The following INHBB variants were observed in gnomAD, a reference collection of about 807,000 sequenced individuals.
The protein encoded by INHBB is inhibin subunit beta B, also known as inhibin beta B chain.
Under a neutral mutation model 28.9 loss-of-function variants are expected in INHBB, and 8 were observed. The ratio of observed to expected loss-of-function variants is 0.28; its 90% confidence interval spans 0.16 to 0.50. The LOEUF is 0.50. Among genes scored for constraint, INHBB ranks in the 20% least tolerant of loss-of-function variants. INHBB has a pLI of 0.98. For synonymous variants in INHBB, 293 were observed against 262.7 expected (o/e 1.12, Z -1.12); for missense variants, 499 against 597.8 (o/e 0.83, Z 1.72).
At chr2:120,348,411 G>A (rs868224713) in intron 1 of INHBB, among the ~76,000 whole-genome samples, 1 of 151,896 alleles carries the variant, frequency 6.6e-6, no homozygotes, top group African/African-American at 2.4e-5. Flanking sequence ...CATTAACAGG[G>A]AGCCAGAGTC....
In INHBB at chr2:120,350,104, G is replaced by T; in HGVS notation, c.*230G>T. On this transcript the variant is annotated 3_prime_UTR_variant, in exon 2 of 2. Coordinates refer to ENST00000295228, the MANE Select transcript of INHBB (RefSeq NM_002193.4). ...ACATGAAATACTTTAAAATGCACACGTAGCCACGCACAGCCAGACGCATCC... is the reference window on the plus strand; with the variant it reads ...ACATGAAATACTTTAAAATGCACACTTAGCCACGCACAGCCAGACGCATCC... 1 of 540,876 alleles carries T rather than the reference G, an allele frequency of 1.8e-6. No homozygotes were observed. 33.5% of individuals were successfully genotyped at this position (540,876 alleles called of 1,614,324 possible).
intron 1 of INHBB, among the ~76,000 whole-genome samples, chr2:120,347,424 C>T (rs1691178824): frequency 7.1e-6 from 1 of 140,508 alleles, no homozygotes; most frequent in Admixed American, 7.4e-5. Flanking sequence ...GATTGCAAAT[C>T]TCTAACACTG....
intron 1 of INHBB, among the ~76,000 whole-genome samples, chr2:120,347,191 A>G (rs1691172603): frequency 6.6e-6 from 1 of 152,054 alleles, no homozygotes; most frequent in African/African-American, 2.4e-5. Flanking sequence ...CTCGCTGGGG[A>G]GAGCTAGGCA....
Position 120,349,372 on chromosome 2 carries a change from G to T in INHBB, c.722G>T (p.Arg241Leu). ...LTEAIQALFE[R>L]GERRLNLDVQ... Reference sequence around the variant, plus strand: ...GAGGCCATCCAGGCCTTGTTTGAGCGGGGCGAGCGGCGACTCAACCTAGAC... The same window carrying T: ...GAGGCCATCCAGGCCTTGTTTGAGCTGGGCGAGCGGCGACTCAACCTAGAC... The change falls in exon 2 of 2, where the codon CGG becomes CTG. Residue 241 changes from arginine to leucine, a missense_variant. Around this residue, in one of 2 missense-constraint regions of INHBB, gnomAD observed 385 missense variants for 415.2 expected, o/e 0.93. Coordinates refer to ENST00000295228, the MANE Select transcript of INHBB (RefSeq NM_002193.4). The surrounding 1 kb of genome is among the most constrained non-coding windows in gnomAD (Gnocchi z 5.6). 1 of 1,613,990 alleles carries T rather than the reference G, an allele frequency of 6.2e-7. No homozygotes were observed. Among genetic ancestry groups the T allele is most frequent in the Non-Finnish European group, 8.5e-7 (1 of 1,180,026 alleles).
chr2:120,346,981 A>C (rs892338673), intron 1 of INHBB, among the ~76,000 whole-genome samples: 2 of 152,164 alleles, frequency 1.3e-5, no homozygotes. Context: ...GTGATTGCTT[A>C]ATGTTTTTGT....
At chr2:120,348,656 C>CAAAAAAAAAAAA (rs5833831) in intron 1 of INHBB, among the ~76,000 whole-genome samples, 2 of 74,458 alleles carry the variant, frequency 2.7e-5, no homozygotes, top group Non-Finnish European at 5.0e-5. Context: ...CTAAGTTAAC[C>CAAAAAAAAAAAA]AAAAAAAAAA....
chr2:120,348,407 C>T (rs969680957), intron 1 of INHBB, among the ~76,000 whole-genome samples: 4 of 151,946 alleles, frequency 2.6e-5, no homozygotes, highest in Admixed American at 6.6e-5. Flanking sequence ...GTGCCATTAA[C>T]AGGGAGCCAG....
intron 1 of INHBB, among the ~76,000 whole-genome samples, chr2:120,347,458 GA>G (rs910475024): frequency 1.3e-5 from 2 of 149,222 alleles, no homozygotes; most frequent in African/African-American, 4.9e-5. Flanking sequence ...ATCAGGGAGA[GA>G]AAAATCTTTC....
At chr2:120,348,895 G>A (rs960956417) in intron 1 of INHBB, among the ~76,000 whole-genome samples, 13 of 151,920 alleles carry the variant, frequency 8.6e-5, no homozygotes, top group Non-Finnish European at 1.3e-4. Flanking sequence ...AGCCTGGTCC[G>A]GGTTTCTCAA....
intron 1 of INHBB, among the ~76,000 whole-genome samples, chr2:120,348,027 T>C (rs181557742): frequency 1.3e-4 from 20 of 152,156 alleles, no homozygotes; most frequent in Admixed American, 9.8e-4. Flanking sequence ...CTCTTTGACT[T>C]ATAAATAACA....
Position 120,349,363 on chromosome 2 carries a change from T to C in INHBB, c.713T>C (p.Leu238Ser), listed in dbSNP as rs768807268. ...CCACTCACGGAGGCCATCCAGGCCT[T>C]GTTTGAGCGGGGCGAGCGGCGACTC... ...TFPLTEAIQALFERGERRLNL... is the reference protein window; with the variant it reads ...TFPLTEAIQASFERGERRLNL... The change falls in exon 2 of 2, where the codon TTG (leucine) becomes TCG (serine). Residue 238 changes from leucine to serine, a missense_variant. Physicochemically the swap from Leu to Ser is moderately radical, Grantham distance 145. This residue lies in a region of INHBB where 385 missense variants were observed against 415.2 expected (regional missense o/e 0.93). Transcript: ENST00000295228. This position sits in a 1 kb window ranked among gnomAD's most constrained non-coding sequence, Gnocchi z 5.6. 1.2e-6 allele frequency: 2 copies of C among 1,613,908 alleles called. No homozygotes were observed. The highest frequency in any genetic ancestry group is 2.2e-5 in the East Asian group (1 of 44,862).
chr2:120,349,094 C>G lies in INHBB; in HGVS notation c.449-5C>G, dbSNP rs766513404. 6.3e-7 allele frequency: 1 copy of G among 1,591,312 alleles called. No homozygotes were observed. Among genetic ancestry groups the G allele is most frequent in the African/African-American group, 1.3e-5 (1 of 74,410 alleles). On this transcript the variant is annotated splice_region_variant and splice_polypyrimidine_tract_variant and intron_variant, in intron 1 of 1. Transcript: ENST00000295228. The surrounding 1 kb of genome is among the most constrained non-coding windows in gnomAD (Gnocchi z 5.6). ...AACTTGGCTCGCCCTTCCCCTTTTC[C>G]GCAGATGGCCTCGCCTCCTCCCGGG...
Position 120,350,309 on chromosome 2 carries a change from C to CAA in INHBB, c.*436_*437insAA, listed in dbSNP as rs965345665. On this transcript the variant is annotated 3_prime_UTR_variant, in exon 2 of 2. Coordinates refer to ENST00000295228, the MANE Select transcript of INHBB (RefSeq NM_002193.4). ...ACATAAAAGCACAAAGACAGAGACG[C>CAA]AGAGAGAGAGAGAGAGCCACGGAGA... 1 of 176,584 alleles carries CAA rather than the reference C, an allele frequency of 5.7e-6. No homozygotes were observed. The highest frequency in any genetic ancestry group is 2.4e-5 in the African/African-American group (1 of 41,932). 10.9% of individuals were successfully genotyped at this position (176,584 alleles called of 1,614,324 possible). A position where few individuals can be genotyped will look rare whatever the true frequency, so the allele number is the denominator to read the frequency against.
intron 1 of INHBB, among the ~76,000 whole-genome samples, chr2:120,347,860 G>A (rs996002646): frequency 2.6e-5 from 4 of 152,200 alleles, no homozygotes; most frequent in African/African-American, 9.7e-5. Flanking sequence ...AGTGAGTCAG[G>A]GAAAGCTCGC....
chr2:120,348,466 C>G (rs1287097937), intron 1 of INHBB, among the ~76,000 whole-genome samples: 17 of 151,938 alleles, frequency 1.1e-4, no homozygotes, highest in Admixed American at 1.1e-3. Flanking sequence ...AATGTCCTGT[C>G]CCTTGAAACT....
Position 120,349,918 on chromosome 2 carries a change from C to A in INHBB, c.*44C>A. The A allele has an allele frequency of 6.4e-7, 1 of 1,568,922 alleles. No homozygotes were observed. The highest frequency in any genetic ancestry group is 8.7e-7 in the Non-Finnish European group (1 of 1,153,816). ...CGGTGGTGGGGCACGGAGGGCAGTC[C>A]CGGGTGGGCTTCTTCCAGCCCCCGC... On this transcript the variant is annotated 3_prime_UTR_variant, in exon 2 of 2. Coordinates refer to ENST00000295228, the MANE Select transcript of INHBB (RefSeq NM_002193.4). The surrounding 1 kb of genome is among the most constrained non-coding windows in gnomAD (Gnocchi z 5.6).
chr2:120,348,428 A>G (rs1691199816), intron 1 of INHBB, among the ~76,000 whole-genome samples: 1 of 151,978 alleles, frequency 6.6e-6, no homozygotes, highest in Non-Finnish European at 1.5e-5. Context: ...AGTCTTGTCA[A>G]AGGATTGGAC....
At chr2:120,347,378 G>C (rs1358175679) in intron 1 of INHBB, among the ~76,000 whole-genome samples, 1 of 150,094 alleles carries the variant, frequency 6.7e-6, no homozygotes, top group East Asian at 2.0e-4. Flanking sequence ...AAAGGGTATG[G>C]CTCCTTTCTG....
In INHBB at chr2:120,349,576, T is replaced by C. The variant is rs766335999; in HGVS notation, c.926T>C (p.Phe309Ser). 1 of 1,614,122 alleles carries C rather than the reference T, an allele frequency of 6.2e-7. No homozygotes were observed. Among genetic ancestry groups the C allele is most frequent in the Non-Finnish European group, 8.5e-7 (1 of 1,180,036 alleles). Residue 309 changes from phenylalanine (F) to serine (S), a missense_variant, in exon 2 of 2, where the codon TTC (phenylalanine) becomes TCC (serine). Physicochemically the swap from Phe to Ser is radical, Grantham distance 155. Coordinates refer to ENST00000295228, the MANE Select transcript of INHBB (RefSeq NM_002193.4). The surrounding 1 kb of genome is among the most constrained non-coding windows in gnomAD (Gnocchi z 5.6). ...AACCTCTGTTGCAGGCAACAGTTCTTCATTGACTTCCGCCTCATCGGCTGG... is the reference window on the plus strand; with the variant it reads ...AACCTCTGTTGCAGGCAACAGTTCTCCATTGACTTCCGCCTCATCGGCTGG... The part of the protein sequence containing the change: ...RTNLCCRQQF[F>S]IDFRLIGWND...
Sources: gnomAD v4.1 joint callset for allele counts (sites outside exome capture counted in the v4.1 genomes callset) on GRCh38, gnomAD v4.1.1 for gene constraint, gnomAD v4.1.1 regional missense constraint, Gnocchi (gnomAD v3.1) non-coding constraint, MANE v1.5 for transcripts, NCBI Gene and HGNC (gene_info 2026-07-23, HGNC 2026-07-21) for gene names.